LIPA: variants seen among roughly 807,000 people sequenced by gnomAD.
LIPA encodes lipase A, lysosomal acid type.
In LIPA, 26 loss-of-function variants were observed where a neutral mutation model predicts 40.6. That is an observed-to-expected ratio of 0.64 (90% CI 0.47 to 0.89). The LOEUF is 0.89. Among genes scored for constraint, LIPA ranks in the 40% least tolerant of loss-of-function variants. LIPA has a pLI of 0.00. For synonymous variants in LIPA, 188 were observed against 168.4 expected (o/e 1.12, Z -0.90); for missense variants, 455 against 479.6 (o/e 0.95, Z 0.48).
intron 1 of LIPA, among the ~76,000 whole-genome samples, chr10:89,318,525 T>C (rs7070705): frequency 1.5e-4 from 23 of 152,164 alleles, no homozygotes; most frequent in Non-Finnish European, 2.9e-4. Context: ...ATCCTAAATA[T>C]ATATGCACCC....
At chr10:89,339,765 T>C in intron 1 of LIPA, 2 of 1,614,110 alleles carry the variant, frequency 1.2e-6, no homozygotes, top group Non-Finnish European at 8.5e-7. Context: ...TTCAGAAATA[T>C]AATGGGAAGT....
chr10:89,339,889 C>T (rs199859461), intron 1 of LIPA: 64 of 1,614,130 alleles, frequency 4.0e-5, no homozygotes, highest in Non-Finnish European at 5.2e-5. Flanking sequence ...TCTGCTTCCA[C>T]AAAATGCACC....
chr10:89,412,532 G>C (rs1381600724), intron 2 of LIPA: 1 of 179,980 alleles, frequency 5.6e-6, no homozygotes, highest in Non-Finnish European at 1.2e-5. Context: ...AACCTGCTCG[G>C]GTCTGCTTCC....
chr10:89,343,698 G>A (rs72814790), upstream of LIPA, among the ~76,000 whole-genome samples: 320 of 152,234 alleles, frequency 2.1e-3, no homozygotes, highest in Non-Finnish European at 3.3e-3. Context: ...GAGTAGGGAG[G>A]GAGCTTTCAA....
chr10:89,220,301 C>T (rs772457684), intron 8 of LIPA, among the ~76,000 whole-genome samples: 5 of 152,178 alleles, frequency 3.3e-5, no homozygotes, highest in Non-Finnish European at 5.9e-5. Context: ...CCAGCTCAGT[C>T]ACCCTCCATC....
intron 1 of LIPA, among the ~76,000 whole-genome samples, chr10:89,327,062 T>G (rs1843606399): frequency 6.6e-6 from 1 of 152,226 alleles, no homozygotes; most frequent in Admixed American, 6.5e-5. Flanking sequence ...TCAAAGATTT[T>G]CTGATTGACA....
intron 2 of LIPA, among the ~76,000 whole-genome samples, chr10:89,371,391 T>G (rs1211471088): frequency 6.6e-6 from 1 of 152,228 alleles, no homozygotes; most frequent in Non-Finnish European, 1.5e-5. Context: ...TTTATTTGCC[T>G]TAGGGCTGGA....
At chr10:89,237,852 T>A (rs1842924486) in intron 3 of LIPA, among the ~76,000 whole-genome samples, 1 of 152,178 alleles carries the variant, frequency 6.6e-6, no homozygotes, top group Non-Finnish European at 1.5e-5. Flanking sequence ...AGTGGTCTAC[T>A]TGCCCCCAAA....
At chr10:89,364,210 C>T (rs1346579616) in intron 2 of LIPA, among the ~76,000 whole-genome samples, 2 of 152,320 alleles carry the variant, frequency 1.3e-5, no homozygotes, top group African/African-American at 4.8e-5. Context: ...ATCAGCACTT[C>T]TCCTTTATCA....
chr10:89,332,265 C>A (rs915693855), intron 1 of LIPA, among the ~76,000 whole-genome samples: 1 of 152,258 alleles, frequency 6.6e-6, no homozygotes, highest in South Asian at 2.1e-4. Flanking sequence ...AGTCACGTTA[C>A]GTGAGTCAGT....
At chr10:89,369,167 T>G (rs996556872) in intron 2 of LIPA, among the ~76,000 whole-genome samples, 3 of 152,218 alleles carry the variant, frequency 2.0e-5, no homozygotes, top group African/African-American at 7.2e-5. Flanking sequence ...GCATTCTACT[T>G]GTACATTCTT....
chr10:89,407,981 G>A (rs566504346), intron 2 of LIPA, among the ~76,000 whole-genome samples: 2 of 151,602 alleles, frequency 1.3e-5, no homozygotes, highest in African/African-American at 4.8e-5. Flanking sequence ...TGGGCAAGAG[G>A]TGTTTCTGCT....
intron 6 of LIPA, among the ~76,000 whole-genome samples, 162 bp downstream of exon 6, chr10:89,224,930 C>T (rs1842747038): frequency 6.6e-6 from 1 of 152,200 alleles, no homozygotes; most frequent in African/African-American, 2.4e-5. Flanking sequence ...CCGGCCACCC[C>T]TGGGTCTGGA....
At chr10:89,263,200 C>T (rs1843219599) in intron 1 of LIPA, among the ~76,000 whole-genome samples, 1 of 152,182 alleles carries the variant, frequency 6.6e-6, no homozygotes, top group African/African-American at 2.4e-5. Context: ...AACTGCAAGC[C>T]TATTGGGCCA....
intron 1 of LIPA, chr10:89,293,680 G>GAC (rs1843391065): frequency 2.0e-5 from 1 of 50,666 alleles, no homozygotes; most frequent in South Asian, 6.8e-4. Context: ...TGTGTGAGAT[G>GAC]AGAGAGAGAG....
chr10:89,411,424 A>T (rs1400486538), intron 2 of LIPA, among the ~76,000 whole-genome samples: 1 of 152,250 alleles, frequency 6.6e-6, no homozygotes, highest in Non-Finnish European at 1.5e-5. Context: ...AAATACTTAC[A>T]GAATCAGGAA....
At chr10:89,246,758 T>C (rs1317719633) in intron 2 of LIPA, among the ~76,000 whole-genome samples, 2 of 152,198 alleles carry the variant, frequency 1.3e-5, no homozygotes, top group Admixed American at 1.3e-4. Context: ...TTTTAATTAG[T>C]CGAGTGGTTA....
At chr10:89,293,679 T>A (rs4934467) in intron 1 of LIPA, 43,742 of 145,164 alleles carry the variant, frequency 0.3, 7,402 homozygotes, top group South Asian at 0.39. Flanking sequence ...CTGTGTGAGA[T>A]GAGAGAGAGA....
intron 1 of LIPA, among the ~76,000 whole-genome samples, chr10:89,289,351 C>T (rs1433876755): frequency 6.6e-6 from 1 of 152,200 alleles, no homozygotes; most frequent in Non-Finnish European, 1.5e-5. Context: ...TCTCAGTGTT[C>T]CATCTGCTAT....
Sources: allele counts gnomAD v4.1 joint callset (sites outside exome capture counted in the v4.1 genomes callset), GRCh38; gene constraint gnomAD v4.1.1; transcripts MANE v1.5; gene names NCBI Gene and HGNC (gene_info 2026-07-23, HGNC 2026-07-21).